DPYD: variants seen among roughly 807,000 people sequenced by gnomAD.
The protein encoded by DPYD is dihydropyrimidine dehydrogenase.
A neutral mutation model predicts 116.2 loss-of-function variants in DPYD; 109 were observed. The ratio of observed to expected loss-of-function variants is 0.94; its 90% CI spans 0.80 to 1.10. DPYD has a LOEUF of 1.10. DPYD is among the 50% of genes least tolerant of loss of function. The pLI is 0.00. For missense variants in DPYD, 1,302 were observed against 1,254.5 expected, an observed-to-expected ratio of 1.04 and a Z score of -0.57; for synonymous variants, 440 against 432.0, an observed-to-expected ratio of 1.02 and a Z score of -0.23.
intron 2 of DPYD, among the ~76,000 whole-genome samples, chr1:97,859,277 G>C (rs531122424): frequency 1.3e-5 from 2 of 152,092 alleles, no homozygotes; most frequent in Non-Finnish European, 2.9e-5. Flanking sequence ...TCAATAAAGA[G>C]CAGCGTATGG....
In DPYD at chr1:97,655,989, C is replaced by A. The variant is rs566821505; in HGVS notation, c.850+23106G>T. On this transcript the variant is annotated intron_variant, in intron 8 of 22. Coordinates refer to ENST00000370192, the MANE Select transcript of DPYD (RefSeq NM_000110.4). ...TGCTAAAGAACATCATTATTTATTA[C>A]GTAGAAATAAAGGCTTAGAAGACAA... Among the ~76,000 whole-genome samples, 38 of 152,200 alleles carry A rather than the reference C, an allele frequency of 2.5e-4. No homozygotes were observed. In the South Asian group the frequency reaches 7.3e-3, roughly 29 times the overall value.
intron 18 of DPYD, among the ~76,000 whole-genome samples, chr1:97,243,692 A>G (rs1029620446): frequency 6.6e-6 from 1 of 151,990 alleles, no homozygotes; most frequent in Non-Finnish European, 1.5e-5. Flanking sequence ...AGAAAAATAG[A>G]CATTATATTA....
chr1:97,806,700 T>A (rs886065396), intron 3 of DPYD, among the ~76,000 whole-genome samples: 1 of 151,916 alleles, frequency 6.6e-6, no homozygotes, highest in African/African-American at 2.4e-5. Flanking sequence ...ACATTAGAAA[T>A]CAATTTTAGT....
At chr1:97,570,483 T>C (rs551198259) in intron 11 of DPYD, among the ~76,000 whole-genome samples, 1 of 152,040 alleles carries the variant, frequency 6.6e-6, no homozygotes, top group South Asian at 2.1e-4. Context: ...GAAGAAAATA[T>C]AGGTGGATAC....
chr1:97,286,245 G>GC (rs1557999617), intron 18 of DPYD, among the ~76,000 whole-genome samples: 1 of 152,040 alleles, frequency 6.6e-6, no homozygotes, highest in Non-Finnish European at 1.5e-5. Flanking sequence ...TTGAATATTG[G>GC]CCCCCACTCT....
chr1:97,668,408 T>C (rs1659678892), intron 8 of DPYD, among the ~76,000 whole-genome samples: 1 of 152,252 alleles, frequency 6.6e-6, no homozygotes, highest in South Asian at 2.1e-4. Context: ...AAAATTACTT[T>C]GTGAGAATTA....
intron 13 of DPYD, among the ~76,000 whole-genome samples, chr1:97,490,020 G>A (rs191383265): frequency 1.3e-5 from 2 of 152,164 alleles, no homozygotes; most frequent in African/African-American, 4.8e-5. Context: ...GGTTGCGCAA[G>A]TCACTAACCC....
intron 13 of DPYD, among the ~76,000 whole-genome samples, chr1:97,458,341 G>A (rs1296680500): frequency 1.3e-5 from 2 of 151,978 alleles, no homozygotes; most frequent in South Asian, 2.1e-4. Flanking sequence ...TCTACAACAT[G>A]GTTAACAAGA....
chr1:97,609,765 T>G (rs148450111), intron 8 of DPYD, among the ~76,000 whole-genome samples: 1 of 152,000 alleles, frequency 6.6e-6, no homozygotes, highest in African/African-American at 2.4e-5. Context: ...GTCTGAAAAT[T>G]TGGCATACAA....
intron 2 of DPYD, among the ~76,000 whole-genome samples, chr1:97,870,403 A>C (rs1008718545): frequency 2.0e-5 from 3 of 151,738 alleles, no homozygotes; most frequent in African/African-American, 7.3e-5. Flanking sequence ...CGTGTTATAT[A>C]AAAATACAAA....
intron 3 of DPYD, among the ~76,000 whole-genome samples, chr1:97,820,914 T>C (rs1668891676): frequency 1.3e-5 from 2 of 152,150 alleles, no homozygotes; most frequent in Admixed American, 6.5e-5. Flanking sequence ...AAACTCCCAA[T>C]AGTATTTTTA....
At chr1:97,455,832 T>C (rs1676652167) in intron 13 of DPYD, among the ~76,000 whole-genome samples, 1 of 151,946 alleles carries the variant, frequency 6.6e-6, no homozygotes, top group African/African-American at 2.4e-5. Flanking sequence ...AAGATAAGTA[T>C]TTGTTCCCAA....
chr1:97,081,036 C>T (rs952197957), intron 22 of DPYD, among the ~76,000 whole-genome samples: 2 of 151,744 alleles, frequency 1.3e-5, no homozygotes, highest in Non-Finnish European at 2.9e-5. Flanking sequence ...ATATGGCTAG[C>T]ACTTTATAAA....
intron 8 of DPYD, among the ~76,000 whole-genome samples, chr1:97,616,531 A>C (rs1476927908): frequency 6.6e-6 from 1 of 152,184 alleles, no homozygotes; most frequent in Non-Finnish European, 1.5e-5. Flanking sequence ...TCACTTAATT[A>C]TTCATGCAAA....
rs1246407606 is a variant in DPYD, at chr1:97,624,700, C to T, written c.851-29534G>A. 3.3e-5 allele frequency among the ~76,000 whole-genome samples: 5 copies of T among 151,930 alleles called. No individual in the cohort carries two copies. In the East Asian group the frequency reaches 9.7e-4, roughly 29 times the overall value. On this transcript the variant is annotated intron_variant, in intron 8 of 22. Coordinates refer to ENST00000370192, the MANE Select transcript of DPYD (RefSeq NM_000110.4). ...TACAGCACTATTCACAATAGCTAAA[C>T]TTTAGAATCAAACTAAGTATCTATC... is the stretch of plus-strand genomic sequence containing the variant.
At chr1:97,628,518 C>T (rs1657068337) in intron 8 of DPYD, among the ~76,000 whole-genome samples, 1 of 151,992 alleles carries the variant, frequency 6.6e-6, no homozygotes, top group Non-Finnish European at 1.5e-5. Context: ...TGCCATCAAG[C>T]ATGTAGTAAT....
At chr1:97,614,081 A>T (rs1158439545) in intron 8 of DPYD, among the ~76,000 whole-genome samples, 1 of 152,096 alleles carries the variant, frequency 6.6e-6, no homozygotes. Flanking sequence ...GGATATGGTG[A>T]TTTAAAACTT....
chr1:97,501,042 CTT>C (rs1346418121), intron 13 of DPYD, among the ~76,000 whole-genome samples: 1 of 152,188 alleles, frequency 6.6e-6, no homozygotes, highest in East Asian at 1.9e-4. Context: ...GCCTTTCAGT[CTT>C]TGCACATTCC....
At chr1:97,774,900 T>G (rs1666317846) in intron 3 of DPYD, 1 of 266,122 alleles carries the variant, frequency 3.8e-6, no homozygotes, top group African/African-American at 2.3e-5. Flanking sequence ...AAAAACCTTT[T>G]GAATGTCCAA....
Sources: gnomAD v4.1 joint callset for allele counts (sites outside exome capture counted in the v4.1 genomes callset) on GRCh38, gnomAD v4.1.1 for gene constraint, MANE v1.5 for transcripts, NCBI Gene and HGNC (gene_info 2026-07-23, HGNC 2026-07-21) for gene names.